VCPKMT: variants seen among roughly 807,000 people sequenced by gnomAD.
The protein encoded by VCPKMT is protein N-lysine methyltransferase METTL21D.
In VCPKMT, 32 loss-of-function variants were observed where a neutral mutation model predicts 28.6. The ratio of observed to expected loss-of-function variants is 1.12; its 90% confidence interval spans 0.84 to 1.50. The LOEUF (loss-of-function observed/expected upper bound fraction) is 1.50. Among genes scored for constraint, VCPKMT ranks in the 40% most tolerant of loss-of-function variants. The probability of loss-of-function intolerance (pLI) is 0.00; values close to 1 mark genes in which losing one functional copy is unlikely to be tolerated. For synonymous variants in VCPKMT, 138 were observed against 111.4 expected, an observed-to-expected ratio of 1.24 and a Z score of -1.50; for missense variants, 366 against 285.0, an observed-to-expected ratio of 1.28 and a Z score of -2.05.
At chr14:50,111,521 C>G in intron 5 of VCPKMT, 4 of 985,382 alleles carry the variant, frequency 4.1e-6, no homozygotes, top group Non-Finnish European at 4.8e-6. Flanking sequence ...ATCCTTAATT[C>G]ATAAAACTAA....
chr14:50,114,254 C>T, intron 4 of VCPKMT, 31 bp downstream of exon 4: 2 of 1,490,370 alleles, frequency 1.3e-6, no homozygotes, highest in Non-Finnish European at 1.8e-6. Context: ...AGGGAAATCA[C>T]TACAAAGATA....
Position 50,108,671 on chromosome 14 carries a change from G to A in VCPKMT, c.*1028C>T, listed in dbSNP as rs1882429748. 1.0e-6 allele frequency: 1 copy of A among 985,684 alleles called. No individual in the cohort carries two copies. The highest frequency in any genetic ancestry group is 1.7e-5 in the African/African-American group (1 of 57,214). The allele number at this position is 985,684 out of a possible 1,614,324, so 61.1% of individuals were successfully genotyped here. ...CAATGTTTATTTTAACACATAAAATGTACCATCTAGCACCAATGCCTATAA... is the reference window on the plus strand; with the variant it reads ...CAATGTTTATTTTAACACATAAAATATACCATCTAGCACCAATGCCTATAA... On this transcript the variant is annotated 3_prime_UTR_variant, in exon 6 of 6. Transcript: ENST00000395860.
At chr14:50,108,216 A>T (rs1882405897), downstream of VCPKMT, among the ~76,000 whole-genome samples, 2 of 149,604 alleles carry the variant, frequency 1.3e-5, no homozygotes, top group East Asian at 4.0e-4. Flanking sequence ...AAAAAGAGAA[A>T]GCAGGAGGGC....
intron 5 of VCPKMT, chr14:50,111,163 A>G (rs1249798439): frequency 6.3e-6 from 6 of 952,980 alleles, no homozygotes; most frequent in East Asian, 1.2e-4. Flanking sequence ...ACTAAAAAAT[A>G]AGAGTTTTTT....
rs774309542 is a variant in VCPKMT at position 50,114,271 on chromosome 14, T to G, written c.570+14A>C. ...GGAAATCACTACAAAGATAATAGAG[T>G]ACTTAATACTTACCTCAAAATATTT... On this transcript the variant is annotated intron_variant, in intron 4 of 5. Transcript: ENST00000395860. 7 of 1,552,792 alleles carry G rather than the reference T, an allele frequency of 4.5e-6. No individual in the cohort carries two copies. In the South Asian group the frequency reaches 5.1e-5, roughly 11 times the overall value.
chr14:50,114,823 A>C (rs10047927), intron 3 of VCPKMT, among the ~76,000 whole-genome samples: 22,865 of 152,156 alleles, frequency 0.15, 2,397 homozygotes, highest in Admixed American at 0.32. Context: ...GCACTACAAC[A>C]TGTGTGACAG....
At chr14:50,105,617 TGA>T (rs1459404121), downstream of VCPKMT, among the ~76,000 whole-genome samples, 14 of 152,170 alleles carry the variant, frequency 9.2e-5, no homozygotes, top group Admixed American at 2.0e-4. Flanking sequence ...GGTGACAGAG[TGA>T]GAGTCCGTCT....
chr14:50,109,466 G>A lies in VCPKMT; in HGVS notation c.*233C>T. 2.4e-6 allele frequency: 3 copies of A among 1,233,756 alleles called. No homozygotes were observed. Among genetic ancestry groups the A allele is most frequent in the Non-Finnish European group, 2.0e-6 (2 of 987,968 alleles). The allele number at this position is 1,233,756 out of a possible 1,614,324, so 76.4% of individuals were successfully genotyped here. On this transcript the variant is annotated 3_prime_UTR_variant, in exon 6 of 6. Transcript: ENST00000395860. ...TCCCAACATTTAAGAAGAACTTGAT[G>A]CTGAACTAAGTAACCTAAGCTGGAT...
At position 50,109,150 on chromosome 14, in the gene VCPKMT, TTC is replaced by T. The variant is rs2139427833; in HGVS notation, c.*547_*548del. 1 of 915,482 alleles carries T rather than the reference TTC, an allele frequency of 1.1e-6. No individual in the cohort carries two copies. Among genetic ancestry groups the T allele is most frequent in the African/African-American group, 1.8e-5 (1 of 56,054 alleles). The allele number at this position is 915,482 out of a possible 1,614,324, so 56.7% of individuals were successfully genotyped here. On this transcript the variant is annotated 3_prime_UTR_variant, in exon 6 of 6. Coordinates refer to ENST00000395860, the MANE Select transcript of VCPKMT (RefSeq NM_024558.3). The stretch of plus-strand genomic sequence containing the variant: ...ATAAGTATACAAGACAATATCTCAG[TTC>T]TTTTTAAAATTAAAAGAACATTTCA...
chr14:50,109,210 A>G lies in VCPKMT; in HGVS notation c.*489T>C. 1 of 900,324 alleles carries G rather than the reference A, an allele frequency of 1.1e-6. No individual in the cohort carries two copies. The highest frequency in any genetic ancestry group is 1.3e-6 in the Non-Finnish European group (1 of 752,054). The allele number at this position is 900,324 out of a possible 1,614,324, so 55.8% of individuals were successfully genotyped here. A position where few individuals can be genotyped will look rare whatever the true frequency, so the allele number is the denominator to read the frequency against. On this transcript the variant is annotated 3_prime_UTR_variant, in exon 6 of 6. Transcript: ENST00000395860. ...AGATATTTTAAAAGAAATGAAGTGG[A>G]AAATACAAATGATAAATATTGTATA...
Position 50,109,457 on chromosome 14 carries a change from G to T in VCPKMT, c.*242C>A. On this transcript the variant is annotated 3_prime_UTR_variant, in exon 6 of 6. Coordinates refer to ENST00000395860, the MANE Select transcript of VCPKMT (RefSeq NM_024558.3). ...ATAACTGATTCCCAACATTTAAGAAGAACTTGATGCTGAACTAAGTAACCT... is the reference window on the plus strand; with the variant it reads ...ATAACTGATTCCCAACATTTAAGAATAACTTGATGCTGAACTAAGTAACCT... 1 of 1,220,778 alleles carries T rather than the reference G, an allele frequency of 8.2e-7. No homozygotes were observed. Among genetic ancestry groups the T allele is most frequent in the Non-Finnish European group, 1.0e-6 (1 of 980,374 alleles). 75.6% of individuals were successfully genotyped at this position (1,220,778 alleles called of 1,614,324 possible). A position where few individuals can be genotyped will look rare whatever the true frequency, so the allele number is the denominator to read the frequency against.
At chr14:50,114,553 A>T (rs1266904240) in intron 3 of VCPKMT, 149 bp from the exon 4 acceptor site, 10 of 539,588 alleles carry the variant, frequency 1.9e-5, no homozygotes, top group Non-Finnish European at 3.0e-5. Flanking sequence ...TTAAAGCTCT[A>T]GGCTAGGTGC....
In VCPKMT at chr14:50,115,145, G is replaced by GTTT. The variant is rs745531021; in HGVS notation, c.450+691_450+693dup. ...TGCCCACAACACTATACAAACTGAT[G>GTTT]TTTTTTTTTTTTTTTTTTTTTTTTG... On this transcript the variant is annotated intron_variant, in intron 3 of 5. Coordinates refer to ENST00000395860, the MANE Select transcript of VCPKMT (RefSeq NM_024558.3). Among the ~76,000 whole-genome samples the GTTT allele has an allele frequency of 3.4e-3, 306 of 90,244 alleles. 4 individuals carry two copies. The highest frequency in any genetic ancestry group is 9.5e-3 in the African/African-American group (198 of 20,744). 59.2% of individuals were successfully genotyped at this position (90,244 alleles called of 152,430 possible).
chr14:50,107,960 G>A (rs1413013698), downstream of VCPKMT, among the ~76,000 whole-genome samples: 1 of 152,044 alleles, frequency 6.6e-6, no homozygotes, highest in African/African-American at 2.4e-5. Context: ...GGGCTAAGGA[G>A]GGTGGATCAC....
intron 3 of VCPKMT, among the ~76,000 whole-genome samples, chr14:50,115,417 T>C (rs1033883320): frequency 6.6e-6 from 1 of 152,158 alleles, no homozygotes; most frequent in African/African-American, 2.4e-5. Flanking sequence ...CTCCCAAGTG[T>C]TGGGATTACA....
In VCPKMT at chr14:50,111,114, C is replaced by A. The variant is rs1594936114; in HGVS notation, c.676-1401G>T. ...ATACTAAAAACCACCAAATTGTACA[C>A]CTTAAAAGCGTGAATTTTATGGTAT... On this transcript the variant is annotated intron_variant, in intron 5 of 5. Coordinates refer to ENST00000395860, the MANE Select transcript of VCPKMT (RefSeq NM_024558.3). The A allele has an allele frequency of 8.9e-6, 8 of 896,250 alleles. No individual in the cohort carries two copies. The South Asian group carries it at 3.0e-4, about 34-fold the overall frequency. The allele number at this position is 896,250 out of a possible 1,614,324, so 55.5% of individuals were successfully genotyped here.
At chr14:50,106,324 T>G (rs1882317062), downstream of VCPKMT, among the ~76,000 whole-genome samples, 1 of 152,188 alleles carries the variant, frequency 6.6e-6, no homozygotes, top group African/African-American at 2.4e-5. Context: ...TGATAAGTAG[T>G]TTCCGAGCTC....
downstream of VCPKMT, among the ~76,000 whole-genome samples, chr14:50,108,116 G>C (rs1190823758): frequency 6.8e-6 from 1 of 146,534 alleles, no homozygotes; most frequent in East Asian, 2.0e-4. Context: ...CCAAGCCTGG[G>C]AAGAGTAGGT....
intron 5 of VCPKMT, chr14:50,111,457 C>T (rs1371016509): frequency 1.0e-6 from 1 of 985,318 alleles, no homozygotes; most frequent in Admixed American, 6.1e-5. Flanking sequence ...AACTTTACCA[C>T]AAACATAATC....
Sources: gnomAD v4.1 joint callset for allele counts (sites outside exome capture counted in the v4.1 genomes callset) on GRCh38, gnomAD v4.1.1 for gene constraint, MANE v1.5 for transcripts, NCBI Gene and HGNC (gene_info 2026-07-23, HGNC 2026-07-21) for gene names.